TMEM47: variants seen among roughly 807,000 people sequenced by gnomAD.
TMEM47 encodes transmembrane protein 47.
TMEM47 carries 3 observed loss-of-function variants against 12.4 expected under a neutral mutation model. That is an observed-to-expected ratio of 0.24 (90% confidence interval 0.11 to 0.63). The LOEUF is 0.63. Among genes scored for constraint, TMEM47 ranks in the 20% least tolerant of loss-of-function variants. TMEM47 has a pLI of 0.86. For synonymous variants in TMEM47, 62 were observed against 63.3 expected (o/e 0.98, Z 0.10); for missense variants, 89 against 143.8 (o/e 0.62, Z 1.95).
chrX:34,647,520 G>A (rs935469119), intron 1 of TMEM47, among the ~76,000 whole-genome samples: 2 of 111,327 alleles, frequency 1.8e-5, no homozygotes, highest in Non-Finnish European at 3.8e-5. Context: ...TGGATGTTTC[G>A]TTGTACATTT....
At chrX:34,649,883 G>A (rs1174891022) in intron 1 of TMEM47, among the ~76,000 whole-genome samples, 3 of 110,116 alleles carry the variant, frequency 2.7e-5, no homozygotes, top group Non-Finnish European at 3.8e-5. Flanking sequence ...CCGCAACCAC[G>A]TCCAGCCAAT....
intron 2 of TMEM47, among the ~76,000 whole-genome samples, chrX:34,633,727 G>C (rs767799425): frequency 9.0e-6 from 1 of 111,157 alleles, no homozygotes; most frequent in Non-Finnish European, 1.9e-5. Flanking sequence ...TCATTTCAAC[G>C]TGTTTTATTT....
At chrX:34,647,407 G>A (rs1300142807) in intron 1 of TMEM47, among the ~76,000 whole-genome samples, 1 of 111,535 alleles carries the variant, frequency 9.0e-6, no homozygotes, top group Non-Finnish European at 1.9e-5. Flanking sequence ...GTGATCTCTT[G>A]AAACATGGCT....
rs1922125628 is a variant in TMEM47 at position 34,657,068 on chromosome X, G to T, written c.-39C>A. 4.5e-6 allele frequency: 5 copies of T among 1,106,428 alleles called. No homozygotes were observed. The East Asian group carries it at 1.7e-4, about 38-fold the overall frequency. The allele number at this position is 1,106,428 out of a possible 1,213,427, so 91.2% of individuals were successfully genotyped here. A position where few individuals can be genotyped will look rare whatever the true frequency, so the allele number is the denominator to read the frequency against. ...TGTCGTCCGCCCCGCCGCAGGCGAG[G>T]ACGCCAGGCGGGTCCGGAGAGCCGG... On this transcript the variant is annotated 5_prime_UTR_variant, in exon 1 of 3. Transcript: ENST00000275954.
chrX:34,644,440 G>A (rs1451031863), intron 1 of TMEM47, among the ~76,000 whole-genome samples: 1 of 112,190 alleles, frequency 8.9e-6, no homozygotes, highest in Non-Finnish European at 1.9e-5. Flanking sequence ...ATGATCAAAA[G>A]TCACTTCCAA....
chrX:34,643,556 A>G (rs1352520401), intron 1 of TMEM47, among the ~76,000 whole-genome samples: 2 of 112,023 alleles, frequency 1.8e-5, no homozygotes, highest in African/African-American at 6.5e-5. Flanking sequence ...TTCTATATCA[A>G]TTTTAGTTGT....
intron 2 of TMEM47, among the ~76,000 whole-genome samples, chrX:34,637,559 C>G (rs1162458245): frequency 9.0e-6 from 1 of 110,840 alleles, no homozygotes; most frequent in Non-Finnish European, 1.9e-5. Context: ...GCTTTGTAGT[C>G]ATGTGAAACT....
rs1480446842 is a variant in TMEM47, at chrX:34,647,811, A to C, written c.227-8424T>G. On this transcript the variant is annotated intron_variant, in intron 1 of 2. Transcript: ENST00000275954. ...AGAATGCAATTAAGTTGTTGAATGA[A>C]AATTAATATTCATTTAATCAATTTA... Among the ~76,000 whole-genome samples the C allele has an allele frequency of 3.6e-5, 4 of 112,323 alleles. No individual in the cohort carries two copies. The Admixed American group carries it at 3.8e-4, about 11-fold the overall frequency.
At position 34,629,045 on chromosome X, in the gene TMEM47, T is replaced by C. The variant is rs1921563511; in HGVS notation, c.*1268A>G. On this transcript the variant is annotated 3_prime_UTR_variant, in exon 3 of 3. Transcript: ENST00000275954. ...GACCAGGTGATAACCAGATGAATTC[T>C]ACTCCTCTACTGAGACATTTAGATA... 8.9e-6 allele frequency: 1 copy of C among 111,977 alleles called. No individual in the cohort carries two copies. Among genetic ancestry groups the C allele is most frequent in the African/African-American group, 3.3e-5 (1 of 30,769 alleles). The allele number at this position is 111,977 out of a possible 1,213,427, so 9.2% of individuals were successfully genotyped here. A position where few individuals can be genotyped will look rare whatever the true frequency, so the allele number is the denominator to read the frequency against.
intron 1 of TMEM47, among the ~76,000 whole-genome samples, chrX:34,640,137 TTC>T (rs1413951407): frequency 8.9e-6 from 1 of 112,156 alleles, no homozygotes; most frequent in African/African-American, 3.2e-5. Flanking sequence ...TTTTTTCCAC[TTC>T]TTTTTTATTT....
At chrX:34,647,120 G>A in intron 1 of TMEM47, among the ~76,000 whole-genome samples, 1 of 110,864 alleles carries the variant, frequency 9.0e-6, no homozygotes, top group Middle Eastern at 4.7e-3. Flanking sequence ...GGAAAATAGA[G>A]GGAAGCATTC....
Position 34,629,580 on chromosome X carries a change from A to G in TMEM47, c.*733T>C, listed in dbSNP as rs1255974307. Reference sequence around the variant, plus strand: ...AAATGATTTAAAGGGTACAAAAGCAACTCATGCAGATTTCTTTCTGTTTGC... The same window carrying G: ...AAATGATTTAAAGGGTACAAAAGCAGCTCATGCAGATTTCTTTCTGTTTGC... On this transcript the variant is annotated 3_prime_UTR_variant, in exon 3 of 3. Coordinates refer to ENST00000275954, the MANE Select transcript of TMEM47 (RefSeq NM_031442.4). 3 of 111,513 alleles carry G rather than the reference A, an allele frequency of 2.7e-5. No individual in the cohort carries two copies. The highest frequency in any genetic ancestry group is 1.9e-4 in the Admixed American group (2 of 10,474). The allele number at this position is 111,513 out of a possible 1,213,427, so 9.2% of individuals were successfully genotyped here. A position where few individuals can be genotyped will look rare whatever the true frequency, so the allele number is the denominator to read the frequency against.
chrX:34,638,841 C>G (rs1004175169), intron 2 of TMEM47, among the ~76,000 whole-genome samples: 1 of 111,877 alleles, frequency 8.9e-6, no homozygotes, highest in East Asian at 2.8e-4. Flanking sequence ...AGATATACAT[C>G]TTTAAGGGTA....
At chrX:34,643,131 C>T (rs1045816856) in intron 1 of TMEM47, among the ~76,000 whole-genome samples, 8 of 111,158 alleles carry the variant, frequency 7.2e-5, no homozygotes, top group African/African-American at 2.6e-4. Flanking sequence ...GAACTAAAAT[C>T]AAGGACTATG....
intron 1 of TMEM47, among the ~76,000 whole-genome samples, chrX:34,648,547 G>C (rs1408423546): frequency 5.4e-5 from 6 of 111,946 alleles, no homozygotes; most frequent in Non-Finnish European, 1.1e-4. Flanking sequence ...GTGGGTTAAA[G>C]ATTTAAATGT....
chrX:34,657,046 C>A lies in TMEM47; in HGVS notation c.-17G>T, dbSNP rs1922125095. ...CGAAGCCATTCCTGGGCGCCGCTGTCGTCCGCCCCGCCGCAGGCGAGGACG... is the reference window on the plus strand; with the variant it reads ...CGAAGCCATTCCTGGGCGCCGCTGTAGTCCGCCCCGCCGCAGGCGAGGACG... On this transcript the variant is annotated 5_prime_UTR_variant, in exon 1 of 3. Transcript: ENST00000275954. 1.8e-6 allele frequency: 2 copies of A among 1,129,622 alleles called. No individual in the cohort carries two copies. Among genetic ancestry groups the A allele is most frequent in the Admixed American group, 2.8e-5 (1 of 36,146 alleles). The allele number at this position is 1,129,622 out of a possible 1,213,427, so 93.1% of individuals were successfully genotyped here.
chrX:34,645,427 A>G (rs757260967), intron 1 of TMEM47, among the ~76,000 whole-genome samples: 2 of 112,232 alleles, frequency 1.8e-5, no homozygotes, highest in African/African-American at 6.5e-5. Context: ...GTATCCTCAT[A>G]CACAAAGAAT....
chrX:34,639,294 G>C lies in TMEM47; in HGVS notation c.320C>G (p.Ser107Cys), dbSNP rs1267052038. ...LVGLISICVGSRRRFYRPVAV... is the reference protein window; with the variant it reads ...LVGLISICVGCRRRFYRPVAV... The stretch of plus-strand genomic sequence containing the variant: ...AACAGGTCTATAGAAACGCCTTCGA[G>C]ATCCCACGCAGATAGAAATCAAACC... The change falls in exon 2 of 3, where the codon TCT (serine) becomes TGT (cysteine). Residue 107 changes from serine to cysteine, a missense_variant. Ser to Cys is a moderately radical substitution (Grantham distance 112). Transcript: ENST00000275954. 1 of 1,204,000 alleles carries C rather than the reference G, an allele frequency of 8.3e-7. No individual in the cohort carries two copies. The highest frequency in any genetic ancestry group is 2.2e-5 in the Admixed American group (1 of 45,250).
chrX:34,640,526 GAGAGCAGC>G (rs1398423794), intron 1 of TMEM47, among the ~76,000 whole-genome samples: 2 of 111,652 alleles, frequency 1.8e-5, no homozygotes, highest in Non-Finnish European at 3.8e-5. Flanking sequence ...CGATACTATG[GAGAGCAGC>G]AGTTGTTTAA....
Sources: gnomAD v4.1 joint callset for allele counts (sites outside exome capture counted in the v4.1 genomes callset) on GRCh38, gnomAD v4.1.1 for gene constraint, MANE v1.5 for transcripts, NCBI Gene and HGNC (gene_info 2026-07-23, HGNC 2026-07-21) for gene names.